The following NUBPL variants were observed in gnomAD, a reference collection of about 807,000 sequenced individuals.
The protein encoded by NUBPL is iron-sulfur cluster transfer protein NUBPL.
NUBPL carries 31 observed loss-of-function variants against 45.7 expected under a neutral mutation model. The ratio of observed to expected loss-of-function variants is 0.68; its 90% CI spans 0.51 to 0.92. The LOEUF (loss-of-function observed/expected upper bound fraction) is 0.92, where lower values mean the gene tolerates loss of function less well. Among genes scored for constraint, NUBPL ranks in the 40% least tolerant of loss-of-function variants. The pLI, the probability that NUBPL is intolerant of heterozygous loss-of-function variation, is 0.00. For synonymous variants in NUBPL, 144 were observed against 140.9 expected, an observed-to-expected ratio of 1.02 and a Z score of -0.15; for missense variants, 401 against 398.7, an observed-to-expected ratio of 1.01 and a Z score of -0.05.
At position 31,756,948 on chromosome 14, in the gene NUBPL, A is replaced by G. The variant is rs2038680123; in HGVS notation, c.514-30832A>G. On this transcript the variant is annotated intron_variant, in intron 6 of 10. Coordinates refer to ENST00000281081, the MANE Select transcript of NUBPL (RefSeq NM_025152.3). Reference sequence around the variant, plus strand: ...TTTGTCAAAGGCCTTTTCTGCATCTATTGAGATAATCATGTGGTTTTTGTC... The same window carrying G: ...TTTGTCAAAGGCCTTTTCTGCATCTGTTGAGATAATCATGTGGTTTTTGTC... 3.3e-5 allele frequency among the ~76,000 whole-genome samples: 5 copies of G among 149,390 alleles called. 1 individual carries two copies. The highest frequency in any genetic ancestry group is 2.1e-4 in the South Asian group (1 of 4,716).
chr14:31,572,243 C>T (rs1368831037), intron 3 of NUBPL, among the ~76,000 whole-genome samples: 4 of 151,860 alleles, frequency 2.6e-5, no homozygotes, highest in Non-Finnish European at 5.9e-5. Context: ...GGGTTCACAC[C>T]ATTCCCCTGC....
chr14:31,609,493 C>G (rs963614726), intron 4 of NUBPL, among the ~76,000 whole-genome samples: 1 of 152,134 alleles, frequency 6.6e-6, no homozygotes, highest in Non-Finnish European at 1.5e-5. Context: ...CTTCAATACC[C>G]CACTTGCAGC....
chr14:31,580,185 T>C (rs1160065284), intron 3 of NUBPL, among the ~76,000 whole-genome samples: 2 of 152,364 alleles, frequency 1.3e-5, no homozygotes, highest in East Asian at 1.9e-4. Flanking sequence ...CTGTGTGCTC[T>C]TTTTAGTCCT....
At chr14:31,857,839 A>AC (rs1161793215) in intron 10 of NUBPL, among the ~76,000 whole-genome samples, 2 of 91,210 alleles carry the variant, frequency 2.2e-5, no homozygotes, top group Non-Finnish European at 3.9e-5. Flanking sequence ...GAAGTTCCAA[A>AC]CTTTCCACAT....
At position 31,746,578 on chromosome 14, in the gene NUBPL, G is replaced by A. The variant is rs1220495373; in HGVS notation, c.514-41202G>A. Among the ~76,000 whole-genome samples, 5 of 151,826 alleles carry A rather than the reference G, an allele frequency of 3.3e-5. No homozygotes were observed. In the South Asian group the frequency reaches 8.3e-4, roughly 25 times the overall value. ...TCTTTTGAATGCACTATTAGATTTG[G>A]TTTTCTAATATTTTGTTGACAATTT... On this transcript the variant is annotated intron_variant, in intron 6 of 10. Coordinates refer to ENST00000281081, the MANE Select transcript of NUBPL (RefSeq NM_025152.3).
intron 8 of NUBPL, chr14:31,845,615 C>G (rs1024891768): frequency 6.5e-6 from 1 of 152,816 alleles, no homozygotes; most frequent in Non-Finnish European, 1.5e-5. Flanking sequence ...GAGCCGAGAT[C>G]GCGCCATTGC....
intron 6 of NUBPL, among the ~76,000 whole-genome samples, chr14:31,732,804 G>A (rs2038081396): frequency 6.6e-6 from 1 of 151,898 alleles, no homozygotes; most frequent in Non-Finnish European, 1.5e-5. Context: ...TAGAGACAGA[G>A]TTTCACCATG....
chr14:31,810,917 C>A (rs1232982689), intron 7 of NUBPL, among the ~76,000 whole-genome samples: 1 of 152,106 alleles, frequency 6.6e-6, no homozygotes, highest in Non-Finnish European at 1.5e-5. Context: ...GTTGAAAATT[C>A]TTTTCTTAAA....
intron 6 of NUBPL, among the ~76,000 whole-genome samples, chr14:31,768,847 G>A (rs2038959266): frequency 6.6e-6 from 1 of 152,130 alleles, no homozygotes; most frequent in South Asian, 2.1e-4. Context: ...AGGTGGTTGG[G>A]GTGGGGGCCA....
chr14:31,652,955 G>T (rs1360507957), intron 4 of NUBPL, among the ~76,000 whole-genome samples: 1 of 152,102 alleles, frequency 6.6e-6, no homozygotes, highest in Non-Finnish European at 1.5e-5. Context: ...GCCTCTGGGG[G>T]TGACATCACG....
chr14:31,705,822 C>A (rs1206071587), intron 6 of NUBPL, among the ~76,000 whole-genome samples: 1 of 152,158 alleles, frequency 6.6e-6, no homozygotes, highest in Non-Finnish European at 1.5e-5. Flanking sequence ...CTAGCCCGGG[C>A]ACTCTGGCAG....
At chr14:31,616,543 G>T (rs892218691) in intron 4 of NUBPL, among the ~76,000 whole-genome samples, 16 of 151,768 alleles carry the variant, frequency 1.1e-4, no homozygotes, top group Middle Eastern at 3.2e-3. Context: ...TTTCCCCATT[G>T]CTTGTTTTTG....
Position 31,781,402 on chromosome 14 carries a change from A to T in NUBPL, c.514-6378A>T, listed in dbSNP as rs542694667. The stretch of plus-strand genomic sequence containing the variant: ...CCTGGTTACATGAAACAGTGCAGAC[A>T]TATAAAACTACAGAACCAATTTATA... On this transcript the variant is annotated intron_variant, in intron 6 of 10. Coordinates refer to ENST00000281081, the MANE Select transcript of NUBPL (RefSeq NM_025152.3). 3.9e-5 allele frequency among the ~76,000 whole-genome samples: 6 copies of T among 152,362 alleles called. No homozygotes were observed. In the South Asian group the frequency reaches 1.2e-3, roughly 32 times the overall value.
chr14:31,663,321 A>G (rs958054280), intron 4 of NUBPL, among the ~76,000 whole-genome samples: 1 of 152,142 alleles, frequency 6.6e-6, no homozygotes, highest in Non-Finnish European at 1.5e-5. Flanking sequence ...GCCCATGCCT[A>G]TGTCCTGAAT....
intron 6 of NUBPL, among the ~76,000 whole-genome samples, chr14:31,718,913 CACAGAAT>C (rs1328124643): frequency 6.6e-5 from 10 of 152,224 alleles, no homozygotes; most frequent in Non-Finnish European, 1.5e-5. Flanking sequence ...TGCATGACTA[CACAGAAT>C]AAAATAGAGA....
intron 4 of NUBPL, among the ~76,000 whole-genome samples, chr14:31,618,002 T>C (rs941453759): frequency 1.3e-5 from 2 of 152,200 alleles, no homozygotes; most frequent in African/African-American, 4.8e-5. Flanking sequence ...GGTTTAGTCT[T>C]GGGAAGGTGT....
At chr14:31,706,272 G>A (rs1301574863) in intron 6 of NUBPL, among the ~76,000 whole-genome samples, 1 of 152,212 alleles carries the variant, frequency 6.6e-6, no homozygotes, top group Non-Finnish European at 1.5e-5. Context: ...CCTCCAGAGG[G>A]GAGCTCTTTA....
At chr14:31,736,558 T>C (rs1410402793) in intron 6 of NUBPL, among the ~76,000 whole-genome samples, 6 of 152,244 alleles carry the variant, frequency 3.9e-5, no homozygotes, top group African/African-American at 1.2e-4. Context: ...TTTTTTGTTG[T>C]TATATAGTAT....
At chr14:31,812,784 C>G (rs2039834633) in intron 7 of NUBPL, among the ~76,000 whole-genome samples, 1 of 152,084 alleles carries the variant, frequency 6.6e-6, no homozygotes, top group Admixed American at 6.6e-5. Flanking sequence ...TTTATCTTAA[C>G]TTTACTGGAG....
Sources: gnomAD v4.1 joint callset for allele counts (sites outside exome capture counted in the v4.1 genomes callset) on GRCh38, gnomAD v4.1.1 for gene constraint, MANE v1.5 for transcripts, NCBI Gene and HGNC (gene_info 2026-07-23, HGNC 2026-07-21) for gene names.